PLXNA4: variants seen among roughly 807,000 people sequenced by gnomAD.
PLXNA4 encodes the protein plexin-A4.
PLXNA4 carries 44 observed loss-of-function variants against 191.8 expected under a neutral mutation model. The observed-to-expected ratio is 0.23, with a 90% confidence interval of 0.18 to 0.29. PLXNA4 has a LOEUF of 0.29. PLXNA4 is among the 10% of genes least tolerant of loss of function. The probability of loss-of-function intolerance (pLI) is 1.00; values close to 1 mark genes in which losing one functional copy is unlikely to be tolerated. For synonymous variants in PLXNA4, 1,082 were observed against 1,009.5 expected (o/e 1.07, Z -1.36); for missense variants, 1,800 against 2,488.8 (o/e 0.72, Z 5.89).
intron 4 of PLXNA4, among the ~76,000 whole-genome samples, chr7:132,260,161 T>A (rs1208951924): frequency 6.6e-6 from 1 of 152,142 alleles, no homozygotes; most frequent in Non-Finnish European, 1.5e-5. Context: ...TTACTAGGTA[T>A]CAACCCAAAG....
chr7:132,385,026 A>G (rs1362171493), intron 3 of PLXNA4: 21 of 1,436,404 alleles, frequency 1.5e-5, no homozygotes, highest in Non-Finnish European at 1.8e-5. Context: ...GCAGAGACAC[A>G]TTCTCCAAAG....
In PLXNA4 at chr7:132,347,660, A is replaced by G. The variant is rs572978908; in HGVS notation, c.1372-49438T>C. 2.6e-5 allele frequency among the ~76,000 whole-genome samples: 4 copies of G among 152,264 alleles called. No homozygotes were observed. In the South Asian group the frequency reaches 6.2e-4, roughly 24 times the overall value. The stretch of plus-strand genomic sequence containing the variant: ...GTTGAGTAGGTCACAGAGGGGGACA[A>G]GCAGTTGTGTGCTCCGAGAAGAGTC... On this transcript the variant is annotated intron_variant, in intron 3 of 31. Transcript: ENST00000321063.
intron 3 of PLXNA4, among the ~76,000 whole-genome samples, chr7:132,482,391 G>C (rs2117485226): frequency 6.6e-6 from 1 of 152,278 alleles, no homozygotes; most frequent in East Asian, 1.9e-4. Flanking sequence ...GGCAATGTAG[G>C]GATCTCTCAA....
intron 2 of PLXNA4, among the ~76,000 whole-genome samples, chr7:132,623,312 C>T (rs1803307268): frequency 1.3e-5 from 2 of 151,360 alleles, no homozygotes; most frequent in Non-Finnish European, 2.9e-5. Context: ...CACCATTGCA[C>T]TCCAGCCTGG....
chr7:132,342,682 C>T (rs1047377900), intron 3 of PLXNA4, among the ~76,000 whole-genome samples: 13 of 152,070 alleles, frequency 8.5e-5, no homozygotes, highest in Non-Finnish European at 7.4e-5. Flanking sequence ...CATGGTGGCT[C>T]ACGCCTATAA....
intron 3 of PLXNA4, chr7:132,484,910 A>G: frequency 6.2e-7 from 1 of 1,614,206 alleles, no homozygotes; most frequent in Non-Finnish European, 8.5e-7. Flanking sequence ...CTGAAGATAC[A>G]CACACAGCAT....
chr7:132,317,172 G>A (rs1584983693), intron 3 of PLXNA4, among the ~76,000 whole-genome samples: 1 of 151,852 alleles, frequency 6.6e-6, no homozygotes, highest in African/African-American at 2.4e-5. Context: ...GTTCAGTTAA[G>A]TTTGTGTTGG....
At chr7:132,644,924 A>G (rs1197348456) in intron 2 of PLXNA4, among the ~76,000 whole-genome samples, 1 of 152,196 alleles carries the variant, frequency 6.6e-6, no homozygotes, top group Admixed American at 6.5e-5. Flanking sequence ...CAGCTCAGGT[A>G]CAGGTCAAGA....
At chr7:132,444,474 C>G (rs987214259) in intron 3 of PLXNA4, among the ~76,000 whole-genome samples, 1 of 152,208 alleles carries the variant, frequency 6.6e-6, no homozygotes, top group Admixed American at 6.5e-5. Context: ...AGGCTGATCT[C>G]GAACTCTTGA....
At chr7:132,132,412 GTT>G (rs1332494568) in intron 31 of PLXNA4, among the ~76,000 whole-genome samples, 4 of 44,750 alleles carry the variant, frequency 8.9e-5, no homozygotes, top group African/African-American at 3.5e-4. Context: ...GTTCTGTTCT[GTT>G]CTGTTCTGTT....
At chr7:132,480,570 A>C (rs1220492768) in intron 3 of PLXNA4, among the ~76,000 whole-genome samples, 2 of 151,934 alleles carry the variant, frequency 1.3e-5, no homozygotes, top group Non-Finnish European at 2.9e-5. Flanking sequence ...AGATGGGCCC[A>C]GTCTGTCACA....
chr7:132,410,296 C>T (rs1250940638), intron 3 of PLXNA4, among the ~76,000 whole-genome samples: 4 of 152,058 alleles, frequency 2.6e-5, no homozygotes, highest in African/African-American at 9.7e-5. Flanking sequence ...CCAGAAGCAG[C>T]ACAGTGCCTT....
chr7:132,417,839 G>A (rs921896335), intron 3 of PLXNA4, among the ~76,000 whole-genome samples: 6 of 152,024 alleles, frequency 3.9e-5, no homozygotes, highest in Admixed American at 1.3e-4. Context: ...TTTACTCTTT[G>A]GTCCGTGGGT....
chr7:132,306,472 C>T (rs1801527207), intron 3 of PLXNA4, among the ~76,000 whole-genome samples: 1 of 152,158 alleles, frequency 6.6e-6, no homozygotes, highest in Non-Finnish European at 1.5e-5. Flanking sequence ...ATCTCTGGCA[C>T]ACAACAGCAG....
intron 1 of PLXNA4, among the ~76,000 whole-genome samples, chr7:132,556,806 A>T (rs187312804): frequency 2.0e-5 from 3 of 152,372 alleles, no homozygotes; most frequent in Admixed American, 2.0e-4. Flanking sequence ...TGCAACGGAC[A>T]GATTCCAGGA....
chr7:132,333,307 G>A (rs977576519), intron 3 of PLXNA4, among the ~76,000 whole-genome samples: 1 of 152,230 alleles, frequency 6.6e-6, no homozygotes, highest in African/African-American at 2.4e-5. Context: ...CAGGTATGCA[G>A]AGTAATAATG....
intron 3 of PLXNA4, among the ~76,000 whole-genome samples, chr7:132,389,454 A>G (rs189194457): frequency 1.3e-4 from 20 of 152,314 alleles, no homozygotes; most frequent in African/African-American, 4.3e-4. Context: ...ATAAGGTGTA[A>G]GGAAGGGATC....
intron 1 of PLXNA4, among the ~76,000 whole-genome samples, chr7:132,521,892 C>T (rs1210817134): frequency 6.6e-6 from 1 of 152,182 alleles, no homozygotes; most frequent in Non-Finnish European, 1.5e-5. Context: ...TGGTCATGCC[C>T]TCTTCCTTTT....
rs1054749815 is a variant in PLXNA4 at position 132,124,041 on chromosome 7, T to G, written c.*6438A>C. On this transcript the variant is annotated 3_prime_UTR_variant, in exon 32 of 32. Coordinates refer to ENST00000321063, the MANE Select transcript of PLXNA4 (RefSeq NM_020911.2). ...CATGCTAAAGTGGGGAGGAGGGCAG[T>G]GGCATCCAATCCTTCCTTCCCACCT... The G allele has an allele frequency of 5.9e-5, 9 of 152,268 alleles. No homozygotes were observed. The highest frequency in any genetic ancestry group is 3.3e-4 in the Admixed American group (5 of 15,284). The allele number at this position is 152,268 out of a possible 1,614,324, so 9.4% of individuals were successfully genotyped here. A position where few individuals can be genotyped will look rare whatever the true frequency, so the allele number is the denominator to read the frequency against.
Sources: gnomAD v4.1 joint callset for allele counts (sites outside exome capture counted in the v4.1 genomes callset) on GRCh38, gnomAD v4.1.1 for gene constraint, MANE v1.5 for transcripts, NCBI Gene and HGNC (gene_info 2026-07-23, HGNC 2026-07-21) for gene names.